The following TASP1 variants were observed in gnomAD, a reference collection of about 807,000 sequenced individuals.
TASP1 encodes taspase 1.
A neutral mutation model predicts 56.6 loss-of-function variants in TASP1; 16 were observed. That is an observed-to-expected ratio of 0.28 (90% CI 0.19 to 0.43). The LOEUF (loss-of-function observed/expected upper bound fraction) is 0.43, where lower values mean the gene tolerates loss of function less well. Ranked by LOEUF, TASP1 falls within the 20% of genes least tolerant of loss-of-function variation. The pLI is 1.00. For synonymous variants in TASP1, 179 were observed against 184.2 expected (o/e 0.97, Z 0.23); for missense variants, 393 against 511.6 (o/e 0.77, Z 2.24).
intron 8 of TASP1, among the ~76,000 whole-genome samples, chr20:13,550,884 T>A (rs1245551204): frequency 6.6e-6 from 1 of 152,138 alleles, no homozygotes; most frequent in Non-Finnish European, 1.5e-5. Context: ...AAACATGTTG[T>A]TTTTTGTGCA....
At chr20:13,369,127 G>T in the TASP1 span, among the ~76,000 whole-genome samples, 1 of 152,124 alleles carries the variant, frequency 6.6e-6, no homozygotes, top group East Asian at 1.9e-4. Context: ...AGAAAAAAAT[G>T]GAAAAATTGA....
the TASP1 span, among the ~76,000 whole-genome samples, chr20:13,283,462 C>A: frequency 6.6e-6 from 1 of 151,940 alleles, no homozygotes; most frequent in Non-Finnish European, 1.5e-5. Context: ...TATATTTGTC[C>A]GCAAGGATTA....
intron 8 of TASP1, among the ~76,000 whole-genome samples, chr20:13,544,884 T>G (rs956230942): frequency 6.6e-6 from 1 of 152,192 alleles, no homozygotes; most frequent in African/African-American, 2.4e-5. Context: ...GAAGGTAACA[T>G]GGACAATCTG....
At chr20:13,418,264 A>C (rs1188066194) in intron 12 of TASP1, among the ~76,000 whole-genome samples, 1 of 152,192 alleles carries the variant, frequency 6.6e-6, no homozygotes, top group African/African-American at 2.4e-5. Flanking sequence ...TCTTTGGAGA[A>C]ATGTCCATTC....
At chr20:13,258,484 G>T in the TASP1 span, among the ~76,000 whole-genome samples, 1 of 152,110 alleles carries the variant, frequency 6.6e-6, no homozygotes, top group Non-Finnish European at 1.5e-5. Context: ...TTACCCACTT[G>T]GAGGGTGCCA....
intron 7 of TASP1, among the ~76,000 whole-genome samples, chr20:13,562,025 TGTCCCATTTGTGTGTGAGCA>T (rs2046360144): frequency 6.6e-6 from 1 of 152,222 alleles, no homozygotes; most frequent in East Asian, 1.9e-4. Flanking sequence ...TTTTCCAAAA[TGTCCCATTTGTGTGTGAGCA>T]CAAATCAAAT....
chr20:13,126,693 A>G, the TASP1 span: 4 of 1,614,010 alleles, frequency 2.5e-6, no homozygotes, highest in African/African-American at 4.0e-5. Context: ...AAAACTTATC[A>G]TGGGACTGGA....
intron 9 of TASP1, among the ~76,000 whole-genome samples, chr20:13,531,612 T>C (rs2045222803): frequency 6.6e-6 from 1 of 151,376 alleles, no homozygotes; most frequent in South Asian, 2.1e-4. Flanking sequence ...TGCCTCAGTC[T>C]CCCCAAGTAG....
At chr20:13,461,808 AAACAAAGTTCCC>A (rs1317621264) in intron 11 of TASP1, among the ~76,000 whole-genome samples, 1 of 152,212 alleles carries the variant, frequency 6.6e-6, no homozygotes. Context: ...AGAGTTTATT[AAACAAAGTTCCC>A]AACTTCCAGA....
the TASP1 span, among the ~76,000 whole-genome samples, chr20:13,227,770 A>C: frequency 6.6e-6 from 1 of 152,168 alleles, no homozygotes; most frequent in East Asian, 1.9e-4. Flanking sequence ...TGCCTCCCAA[A>C]GTGCTGGGAT....
At chr20:13,436,593 G>T (rs1369945202) in intron 11 of TASP1, among the ~76,000 whole-genome samples, 1 of 152,118 alleles carries the variant, frequency 6.6e-6, no homozygotes, top group Non-Finnish European at 1.5e-5. Flanking sequence ...TGAGACTTGG[G>T]AGCATCAGGG....
intron 13 of TASP1, among the ~76,000 whole-genome samples, chr20:13,408,180 C>T (rs2041987485): frequency 6.6e-6 from 1 of 152,078 alleles, no homozygotes; most frequent in African/African-American, 2.4e-5. Flanking sequence ...CTAAGAAATT[C>T]ATAGTTTTAG....
intron 12 of TASP1, among the ~76,000 whole-genome samples, chr20:13,421,954 T>TTA (rs994914584): frequency 3.1e-5 from 4 of 130,812 alleles, no homozygotes; most frequent in African/African-American, 1.3e-4. Context: ...CTGTTTAACC[T>TTA]TTTTTTTTTT....
downstream of TASP1, among the ~76,000 whole-genome samples, chr20:13,385,556 C>T (rs1375564767): frequency 6.6e-6 from 1 of 152,184 alleles, no homozygotes; most frequent in Non-Finnish European, 1.5e-5. Context: ...GCCTAAAAAC[C>T]CTAGTGGCCA....
At chr20:13,178,489 G>A in the TASP1 span, among the ~76,000 whole-genome samples, 1 of 152,020 alleles carries the variant, frequency 6.6e-6, no homozygotes, top group Non-Finnish European at 1.5e-5. Flanking sequence ...AGCCAAAATA[G>A]GTGATCTACC....
chr20:13,603,697 G>A (rs966012281), intron 4 of TASP1, among the ~76,000 whole-genome samples: 2 of 152,124 alleles, frequency 1.3e-5, no homozygotes, highest in African/African-American at 4.8e-5. Flanking sequence ...TTTTTAAGGG[G>A]CAAACAGTTT....
chr20:13,259,961 T>A, the TASP1 span, among the ~76,000 whole-genome samples: 1 of 152,318 alleles, frequency 6.6e-6, no homozygotes, highest in East Asian at 1.9e-4. Flanking sequence ...ACATAATAAA[T>A]ATCGATGGAG....
the TASP1 span, chr20:13,167,851 T>A: frequency 1.3e-5 from 2 of 152,210 alleles, no homozygotes; most frequent in Admixed American, 1.3e-4. Flanking sequence ...TGCGTGATTC[T>A]AATCTATGCC....
At chr20:13,174,455 T>C in the TASP1 span, among the ~76,000 whole-genome samples, 1 of 152,144 alleles carries the variant, frequency 6.6e-6, no homozygotes, top group Non-Finnish European at 1.5e-5. Flanking sequence ...TCCAGCACTT[T>C]GGGAGGCTGA....
Sources: allele counts gnomAD v4.1 joint callset (sites outside exome capture counted in the v4.1 genomes callset), GRCh38; gene constraint gnomAD v4.1.1; transcripts MANE v1.5; gene names NCBI Gene and HGNC (gene_info 2026-07-23, HGNC 2026-07-21).